The following CD86 variants were observed in gnomAD, a reference collection of about 807,000 sequenced individuals.
CD86 encodes the protein T-lymphocyte activation antigen CD86.
In CD86, 11 loss-of-function variants were observed where a neutral mutation model predicts 32.1. The ratio of observed to expected loss-of-function variants is 0.34; its 90% CI spans 0.22 to 0.57. The LOEUF is 0.57. Among genes scored for constraint, CD86 ranks in the 20% least tolerant of loss-of-function variants. The pLI is 0.86. For missense variants in CD86, 359 were observed against 398.4 expected (o/e 0.90, Z 0.84); for synonymous variants, 137 against 135.3 (o/e 1.01, Z -0.09).
intron 2 of CD86, among the ~76,000 whole-genome samples, chr3:122,092,525 A>G (rs1424733281): frequency 2.0e-5 from 3 of 152,170 alleles, no homozygotes; most frequent in Non-Finnish European, 4.4e-5. Flanking sequence ...TTTTAACAGC[A>G]TCCAGCCTCA....
intron 5 of CD86, among the ~76,000 whole-genome samples, chr3:122,110,913 T>C (rs768068071): frequency 6.6e-6 from 1 of 152,054 alleles, no homozygotes; most frequent in Non-Finnish European, 1.5e-5. Flanking sequence ...AGCTTACAAA[T>C]GAAACAAAGA....
At chr3:122,062,594 TTGTC>T (rs1400691192) in intron 1 of CD86, among the ~76,000 whole-genome samples, 6 of 152,294 alleles carry the variant, frequency 3.9e-5, no homozygotes, top group East Asian at 3.9e-4. Context: ...TGTTTCCTAT[TTGTC>T]TGTAGGCAGT....
chr3:122,105,391 C>A (rs547662239), intron 3 of CD86, among the ~76,000 whole-genome samples: 1 of 152,100 alleles, frequency 6.6e-6, no homozygotes, highest in African/African-American at 2.4e-5. Flanking sequence ...AATGACAGAC[C>A]TTTTAGTAAG....
intron 1 of CD86, among the ~76,000 whole-genome samples, chr3:122,064,904 A>G (rs1027368764): frequency 6.6e-6 from 1 of 152,190 alleles, no homozygotes; most frequent in Admixed American, 6.5e-5. Context: ...GTTTTATTTA[A>G]TGTTGGAAAG....
chr3:122,118,286 A>C (rs1225417956), intron 6 of CD86, among the ~76,000 whole-genome samples, 193 bp downstream of exon 6: 1 of 152,208 alleles, frequency 6.6e-6, no homozygotes, highest in African/African-American at 2.4e-5. Flanking sequence ...TCCAATGCAC[A>C]ATGCCCAGAA....
chr3:122,060,351 G>A (rs1043617703), intron 1 of CD86, among the ~76,000 whole-genome samples: 18 of 152,124 alleles, frequency 1.2e-4, no homozygotes, highest in African/African-American at 3.9e-4. Flanking sequence ...GGAAAATGGA[G>A]GCAGCACAGA....
intron 1 of CD86, among the ~76,000 whole-genome samples, chr3:122,083,276 T>C (rs2072660001): frequency 1.3e-5 from 2 of 152,338 alleles, no homozygotes; most frequent in South Asian, 4.1e-4. Context: ...GGTTCACATA[T>C]AAAGACTGAA....
intron 2 of CD86, among the ~76,000 whole-genome samples, chr3:122,098,786 T>A (rs2072949644): frequency 6.6e-6 from 1 of 152,160 alleles, no homozygotes; most frequent in Non-Finnish European, 1.5e-5. Context: ...GACACACTTG[T>A]GTAGAGCCTC....
rs918143159 is a variant in CD86 at position 122,120,962 on chromosome 3, G to C, written c.*1428G>C. 6.6e-6 allele frequency: 1 copy of C among 152,202 alleles called. No homozygotes were observed. The highest frequency in any genetic ancestry group is 6.5e-5 in the Admixed American group (1 of 15,286). The allele number at this position is 152,202 out of a possible 1,614,324, so 9.4% of individuals were successfully genotyped here. A position where few individuals can be genotyped will look rare whatever the true frequency, so the allele number is the denominator to read the frequency against. On this transcript the variant is annotated 3_prime_UTR_variant, in exon 7 of 7. Transcript: ENST00000330540. ...TCTGGGGAGCCTGAGCCACAAAAATGTTCCTTTATTTTATGTAAACCCTCA... is the reference window on the plus strand; with the variant it reads ...TCTGGGGAGCCTGAGCCACAAAAATCTTCCTTTATTTTATGTAAACCCTCA...
intron 1 of CD86, among the ~76,000 whole-genome samples, chr3:122,087,744 T>G (rs1460030620): frequency 6.6e-6 from 1 of 152,148 alleles, no homozygotes; most frequent in Non-Finnish European, 1.5e-5. Context: ...AGGAGAGATG[T>G]GTTTGCTGTC....
chr3:122,067,127 G>A (rs889910934), intron 1 of CD86, among the ~76,000 whole-genome samples: 4 of 152,214 alleles, frequency 2.6e-5, no homozygotes, highest in African/African-American at 9.7e-5. Context: ...ACTGTTGTAT[G>A]GGTTGTGAGG....
intron 4 of CD86, among the ~76,000 whole-genome samples, chr3:122,107,307 T>G (rs911140929): frequency 6.6e-6 from 1 of 152,118 alleles, no homozygotes; most frequent in Non-Finnish European, 1.5e-5. Flanking sequence ...TGAGACAGTA[T>G]CTGGGCTAAG....
At position 122,073,167 on chromosome 3, in the gene CD86, T is replaced by A. The variant is rs72626333; in HGVS notation, c.14+17664T>A. Among the ~76,000 whole-genome samples, 819 of 147,306 alleles carry A rather than the reference T, an allele frequency of 5.6e-3. 53 individuals are homozygous for A. In the East Asian group the frequency reaches 0.15, roughly 28 times the overall value. ...CAACAGGAAGCCTCATTGCTCCACA[T>A]CCTCAGCAGCATTTGGTATTGTCAG... is the stretch of plus-strand genomic sequence containing the variant. On this transcript the variant is annotated intron_variant, in intron 1 of 6. Transcript: ENST00000330540.
At chr3:122,095,353 G>A (rs535535598) in intron 2 of CD86, among the ~76,000 whole-genome samples, 2 of 151,942 alleles carry the variant, frequency 1.3e-5, no homozygotes, top group Non-Finnish European at 2.9e-5. Flanking sequence ...AATAATTTTT[G>A]TATTTTTGGT....
At chr3:122,076,283 G>C (rs1022193782) in intron 1 of CD86, among the ~76,000 whole-genome samples, 1 of 152,174 alleles carries the variant, frequency 6.6e-6, no homozygotes, top group Non-Finnish European at 1.5e-5. Flanking sequence ...CAAATATTTT[G>C]ATAGCTAGCC....
At chr3:122,103,305 A>G (rs1279678260) in intron 2 of CD86, among the ~76,000 whole-genome samples, 1 of 152,186 alleles carries the variant, frequency 6.6e-6, no homozygotes, top group Non-Finnish European at 1.5e-5. Context: ...AGTTTGTACA[A>G]GGCCACACAT....
In CD86 at chr3:122,055,512, T is replaced by C. The variant is rs1331453366; in HGVS notation, c.14+9T>C. The C allele has an allele frequency of 6.2e-7, 1 of 1,613,778 alleles. No homozygotes were observed. The highest frequency in any genetic ancestry group is 2.2e-5 in the East Asian group (1 of 44,878). The stretch of plus-strand genomic sequence containing the variant: ...AAAATGGATCCCCAGTGGTGAGTAA[T>C]AATTCTTATTCTTTGCAGAGAAGTT... On this transcript the variant is annotated intron_variant, in intron 1 of 6. Coordinates refer to ENST00000330540, the MANE Select transcript of CD86 (RefSeq NM_175862.5).
intron 1 of CD86, among the ~76,000 whole-genome samples, chr3:122,055,708 T>TA (rs2072223541): frequency 6.6e-6 from 1 of 152,370 alleles, no homozygotes; most frequent in African/African-American, 2.4e-5. Context: ...GTTATATATA[T>TA]TTTTAGGTGC....
At chr3:122,069,954 C>T (rs751199477) in intron 1 of CD86, among the ~76,000 whole-genome samples, 3 of 152,190 alleles carry the variant, frequency 2.0e-5, no homozygotes, top group Admixed American at 6.5e-5. Flanking sequence ...CTATACTTAT[C>T]CCTAGTACAA....
Sources: gnomAD v4.1 joint callset for allele counts (sites outside exome capture counted in the v4.1 genomes callset) on GRCh38, gnomAD v4.1.1 for gene constraint, MANE v1.5 for transcripts, NCBI Gene and HGNC (gene_info 2026-07-23, HGNC 2026-07-21) for gene names.